The following CNTRL variants were observed in gnomAD, a reference collection of about 807,000 sequenced individuals.
CNTRL encodes the protein 110 kDa centrosomal protein.
In CNTRL, 233 loss-of-function variants were observed where a neutral mutation model predicts 303.7. That is an observed-to-expected ratio of 0.77 (90% confidence interval 0.69 to 0.86). CNTRL has a LOEUF of 0.86. CNTRL is among the 40% of genes least tolerant of loss of function. The probability of loss-of-function intolerance (pLI) is 0.00; values close to 1 mark genes in which losing one functional copy is unlikely to be tolerated. For synonymous variants in CNTRL, 900 were observed against 922.2 expected (o/e 0.98, Z 0.44); for missense variants, 2,524 against 2,650.6 (o/e 0.95, Z 1.05).
In CNTRL at chr9:121,146,261, G is replaced by A; in HGVS notation, c.3459+5G>A. On this transcript the variant is annotated splice_donor_5th_base_variant and intron_variant, in intron 23 of 43. Coordinates refer to ENST00000373855, the MANE Select transcript of CNTRL (RefSeq NM_007018.6). ...CCACCACCACCATCATCAAAAGTAGGAATTCTGTGGTGTTGGGAATGTATA... is the reference window on the plus strand; with the variant it reads ...CCACCACCACCATCATCAAAAGTAGAAATTCTGTGGTGTTGGGAATGTATA... 1 of 1,601,846 alleles carries A rather than the reference G, an allele frequency of 6.2e-7. No homozygotes were observed. Among genetic ancestry groups the A allele is most frequent in the Non-Finnish European group, 8.5e-7 (1 of 1,176,966 alleles).
At chr9:121,103,186 G>C (rs941963017) in intron 7 of CNTRL, among the ~76,000 whole-genome samples, 5 of 152,164 alleles carry the variant, frequency 3.3e-5, no homozygotes, top group African/African-American at 1.2e-4. Context: ...GCATGGTACT[G>C]GTACCAAAAC....
chr9:121,175,146 T>C lies in CNTRL; in HGVS notation c.6876T>C (p.Ser2292=). The change falls in exon 43 of 44, where the codon TCT becomes TCC. Residue 2292 remains serine (S), a synonymous_variant. Coordinates refer to ENST00000373855, the MANE Select transcript of CNTRL (RefSeq NM_007018.6). ...DALGELVTST[S]ADSASSPSLS... ...TAGGGGAATTGGTCACCAGCACCTC[T>C]GCAGATTCAGCGTCATCACCCAGTC... The C allele has an allele frequency of 6.2e-7, 1 of 1,614,140 alleles. No individual in the cohort carries two copies. The highest frequency in any genetic ancestry group is 8.5e-7 in the Non-Finnish European group (1 of 1,180,016).
In CNTRL at chr9:121,138,678, A is replaced by G; in HGVS notation, c.2336A>G (p.Gln779Arg). The change falls in exon 16 of 44, where the codon CAG becomes CGG. Residue 779 changes from glutamine (Q) to arginine (R), a missense_variant and splice_region_variant. Gln to Arg is a conservative substitution (Grantham distance 43). Coordinates refer to ENST00000373855, the MANE Select transcript of CNTRL (RefSeq NM_007018.6). Reference protein sequence around the residue: ...SELHAKLKHLQDDNNLLKQQL... With the variant: ...SELHAKLKHLRDDNNLLKQQL... The stretch of plus-strand genomic sequence containing the variant: ...CTCCATGCAAAACTTAAACACTTGC[A>G]GGTAGAGATTTGTTGTTTTAGAATA... 6.2e-7 allele frequency: 1 copy of G among 1,613,220 alleles called. No homozygotes were observed. The highest frequency in any genetic ancestry group is 8.5e-7 in the Non-Finnish European group (1 of 1,179,546).
At chr9:121,127,966 A>G (rs180809305) in intron 14 of CNTRL, among the ~76,000 whole-genome samples, 40 of 152,216 alleles carry the variant, frequency 2.6e-4, no homozygotes, top group Admixed American at 8.5e-4. Flanking sequence ...CCTGCAAAGG[A>G]CATGAACTCA....
chr9:121,098,679 A>C, intron 7 of CNTRL, 107 bp downstream of exon 7: 1 of 744,740 alleles, frequency 1.3e-6, no homozygotes. Context: ...TAAAATGTAC[A>C]TGGGAAATGG....
intron 7 of CNTRL, among the ~76,000 whole-genome samples, chr9:121,099,673 C>T (rs1443040769): frequency 6.6e-6 from 1 of 152,090 alleles, no homozygotes; most frequent in African/African-American, 2.4e-5. Context: ...AAAGATGGCA[C>T]GAATGTCTAA....
At chr9:121,088,586 A>G in intron 3 of CNTRL, 43 bp downstream of exon 3, 3 of 1,315,886 alleles carry the variant, frequency 2.3e-6, no homozygotes, top group Non-Finnish European at 2.1e-6. Flanking sequence ...CACATACTTC[A>G]AGTAGAGATG....
At chr9:121,083,881 C>T (rs1413815099) in intron 2 of CNTRL, among the ~76,000 whole-genome samples, 6 of 152,176 alleles carry the variant, frequency 3.9e-5, no homozygotes, top group African/African-American at 1.4e-4. Context: ...TACGGGACCA[C>T]TGTCATGTAT....
chr9:121,081,674 T>C (rs1019165819), intron 2 of CNTRL, among the ~76,000 whole-genome samples: 2 of 152,242 alleles, frequency 1.3e-5, no homozygotes, highest in African/African-American at 2.4e-5. Flanking sequence ...AAGAGTTGCA[T>C]AGGGCAAGGT....
At chr9:121,100,703 G>T (rs1035856309) in intron 7 of CNTRL, among the ~76,000 whole-genome samples, 3 of 152,146 alleles carry the variant, frequency 2.0e-5, no homozygotes, top group Admixed American at 2.0e-4. Flanking sequence ...CAAAATAAAG[G>T]GATGGAGGAA....
At position 121,092,663 on chromosome 9, in the gene CNTRL, TC is replaced by T. The variant is rs1296078529; in HGVS notation, c.349-2224del. On this transcript the variant is annotated intron_variant, in intron 4 of 43. Transcript: ENST00000373855. ...AATATATATCTATATATAATATATA[TC>T]TATATATATAATATATATCTATATA... is the stretch of plus-strand genomic sequence containing the variant. Among the ~76,000 whole-genome samples, 13 of 27,418 alleles carry T rather than the reference TC, an allele frequency of 4.7e-4. 3 individuals carry two copies. The highest frequency in any genetic ancestry group is 6.5e-4 in the Non-Finnish European group (10 of 15,500). The allele number at this position is 27,418 out of a possible 152,430, so 18.0% of individuals were successfully genotyped here. A position where few individuals can be genotyped will look rare whatever the true frequency, so the allele number is the denominator to read the frequency against.
Position 121,160,123 on chromosome 9 carries a change from T to A in CNTRL, c.4930-20T>A. On this transcript the variant is annotated intron_variant, in intron 31 of 43. Transcript: ENST00000373855. ...ATTTACAGTCACAGGAGGGAATAAC[T>A]TTTTTTTTTTCAAACACAGGAAGTA... The A allele has an allele frequency of 1.0e-6, 1 of 958,826 alleles. No individual in the cohort carries two copies. Among genetic ancestry groups the A allele is most frequent in the Non-Finnish European group, 1.4e-6 (1 of 721,934 alleles). The allele number at this position is 958,826 out of a possible 1,614,324, so 59.4% of individuals were successfully genotyped here. A position where few individuals can be genotyped will look rare whatever the true frequency, so the allele number is the denominator to read the frequency against.
chr9:121,089,058 ATAGCTTAGTGGTAGAGCATT>A (rs1220256106), intron 3 of CNTRL, among the ~76,000 whole-genome samples: 1 of 152,218 alleles, frequency 6.6e-6, no homozygotes, highest in Non-Finnish European at 1.5e-5. Flanking sequence ...TGTTGGGGGT[ATAGCTTAGTGGTAGAGCATT>A]TAACTTCAAA....
chr9:121,162,389 CAT>C (rs10586591), intron 34 of CNTRL, 118 bp downstream of exon 34: 484,169 of 828,030 alleles, frequency 0.58, 148,080 homozygotes, highest in South Asian at 0.8. Context: ...AACTTGGTAT[CAT>C]AATACATTTT....
At chr9:121,146,415 T>C (rs1462676174) in intron 23 of CNTRL, among the ~76,000 whole-genome samples, 159 bp downstream of exon 23, 1 of 152,076 alleles carries the variant, frequency 6.6e-6, no homozygotes, top group Non-Finnish European at 1.5e-5. Flanking sequence ...GAGATGAAAA[T>C]AGGGCCTTCT....
intron 2 of CNTRL, among the ~76,000 whole-genome samples, chr9:121,085,877 T>C (rs2048323349): frequency 6.6e-6 from 1 of 152,166 alleles, no homozygotes; most frequent in Non-Finnish European, 1.5e-5. Context: ...GAGTCCTGTT[T>C]GTAGTGCATG....
chr9:121,149,284 C>G (rs747521780), intron 24 of CNTRL, among the ~76,000 whole-genome samples: 2 of 152,166 alleles, frequency 1.3e-5, no homozygotes, highest in Non-Finnish European at 2.9e-5. Flanking sequence ...CTGAGTAAAT[C>G]TTTTTCACTT....
intron 11 of CNTRL, among the ~76,000 whole-genome samples, chr9:121,117,957 C>T (rs2050057486): frequency 6.7e-6 from 1 of 149,194 alleles, no homozygotes; most frequent in South Asian, 2.1e-4. Context: ...CCACCCTGGG[C>T]GACAGAGCAA....
At chr9:121,119,252 T>C (rs983402634) in intron 12 of CNTRL, among the ~76,000 whole-genome samples, 1 of 151,946 alleles carries the variant, frequency 6.6e-6, no homozygotes, top group African/African-American at 2.4e-5. Flanking sequence ...GCAAGGGAGA[T>C]TTGCTCCTTA....
Sources: gnomAD v4.1 joint callset for allele counts (sites outside exome capture counted in the v4.1 genomes callset) on GRCh38, gnomAD v4.1.1 for gene constraint, MANE v1.5 for transcripts, NCBI Gene and HGNC (gene_info 2026-07-23, HGNC 2026-07-21) for gene names.